KLHL6: variants seen among roughly 807,000 people sequenced by gnomAD.
KLHL6 encodes kelch like family member 6, also known as kelch-like protein 6.
In KLHL6, 41 loss-of-function variants were observed where a neutral mutation model predicts 58.6. The observed-to-expected ratio is 0.70, with a 90% CI of 0.55 to 0.91. The LOEUF (loss-of-function observed/expected upper bound fraction) is 0.91, where lower values mean the gene tolerates loss of function less well. KLHL6 is among the 40% of genes least tolerant of loss of function. KLHL6 has a pLI of 0.00. For missense variants in KLHL6, 714 were observed against 805.6 expected (o/e 0.89, Z 1.38); for synonymous variants, 338 against 322.7 (o/e 1.05, Z -0.51).
chr3:183,499,689 C>T lies in KLHL6; in HGVS notation c.1048G>A (p.Val350Met). Reference protein sequence around the residue: ...LDPLRRSRLEVAKLPLTEHEL... With the variant: ...LDPLRRSRLEMAKLPLTEHEL... ...TGCTCTGTTAGCGGGAGCTTGGCCACCTCCAGGCGGCTGCGCCTCAGGGGG... is the reference window on the plus strand; with the variant it reads ...TGCTCTGTTAGCGGGAGCTTGGCCATCTCCAGGCGGCTGCGCCTCAGGGGG... The change falls in exon 4 of 7, where the codon GTG becomes ATG. Residue 350 changes from valine (V) to methionine (M), a missense_variant. Around this residue, in one of 2 missense-constraint regions of KLHL6, gnomAD observed 510 missense variants for 629.7 expected, o/e 0.81. Transcript: ENST00000341319. The surrounding 1 kb of genome is among the most constrained non-coding windows in gnomAD (Gnocchi z 4.6). 1 of 1,611,320 alleles carries T rather than the reference C, an allele frequency of 6.2e-7. No homozygotes were observed. The highest frequency in any genetic ancestry group is 8.5e-7 in the Non-Finnish European group (1 of 1,178,882).
intron 1 of KLHL6, among the ~76,000 whole-genome samples, chr3:183,537,048 C>T (rs1182171794): frequency 6.6e-6 from 1 of 152,138 alleles, no homozygotes; most frequent in Admixed American, 6.5e-5. Context: ...GAATTTTCTG[C>T]CACTTAAATA....
Position 183,499,058 on chromosome 3 carries a change from C to A in KLHL6, c.1147+532G>T, listed in dbSNP as rs142320283. On this transcript the variant is annotated intron_variant, in intron 4 of 6. Transcript: ENST00000341319. The surrounding 1 kb of genome is among the most constrained non-coding windows in gnomAD (Gnocchi z 4.6). ...CAGGTTTTCTATTAATAGTACAACG[C>A]TGGCCGGACGAGGTGGCTCACGCCT... Among the ~76,000 whole-genome samples, 31 of 152,298 alleles carry A rather than the reference C, an allele frequency of 2.0e-4. 2 individuals carry two copies. In the East Asian group the frequency reaches 6.0e-3, roughly 29 times the overall value.
intron 2 of KLHL6, among the ~76,000 whole-genome samples, chr3:183,509,095 G>A (rs1243887080): frequency 6.6e-6 from 1 of 152,116 alleles, no homozygotes; most frequent in East Asian, 1.9e-4. Context: ...TACATTACAA[G>A]GGGATAAAAG....
At position 183,531,573 on chromosome 3, in the gene KLHL6, A is replaced by G. The variant is rs944506593; in HGVS notation, c.294-3563T>C. Among the ~76,000 whole-genome samples the G allele has an allele frequency of 1.1e-4, 16 of 150,742 alleles. No homozygotes were observed. In the East Asian group the frequency reaches 3.1e-3, roughly 29 times the overall value. The stretch of plus-strand genomic sequence containing the variant: ...CACGCCATTCTCCTCCAGCCTCCCA[A>G]GTAGCTGGAACTACAGGCTCCTGCC... On this transcript the variant is annotated intron_variant, in intron 1 of 6. Transcript: ENST00000341319.
chr3:183,553,479 C>A (rs963544674), intron 1 of KLHL6, among the ~76,000 whole-genome samples: 48 of 152,314 alleles, frequency 3.2e-4, no homozygotes, highest in African/African-American at 1.1e-3. Context: ...GCAAGGGATA[C>A]AAAAGGATCA....
chr3:183,547,518 T>C (rs1362673905), intron 1 of KLHL6, among the ~76,000 whole-genome samples: 1 of 152,212 alleles, frequency 6.6e-6, no homozygotes, highest in Non-Finnish European at 1.5e-5. Context: ...TTATAATATT[T>C]TTCCTACGGT....
chr3:183,552,910 T>C (rs1012456913), intron 1 of KLHL6, among the ~76,000 whole-genome samples: 1 of 152,084 alleles, frequency 6.6e-6, no homozygotes, highest in Non-Finnish European at 1.5e-5. Flanking sequence ...CTCTGGACTT[T>C]GGCTCACCGT....
At chr3:183,535,259 C>T (rs1054767939) in intron 1 of KLHL6, among the ~76,000 whole-genome samples, 1 of 152,148 alleles carries the variant, frequency 6.6e-6, no homozygotes, top group Non-Finnish European at 1.5e-5. Flanking sequence ...GTATTTTATA[C>T]TTAAAGCATC....
At chr3:183,544,828 C>T (rs1360940999) in intron 1 of KLHL6, 1 of 153,024 alleles carries the variant, frequency 6.5e-6, no homozygotes, top group Non-Finnish European at 1.4e-5. Context: ...GGGTGGACTC[C>T]TAACCTAGGC....
chr3:183,504,109 G>A (rs1717940819), intron 3 of KLHL6, among the ~76,000 whole-genome samples: 1 of 152,172 alleles, frequency 6.6e-6, no homozygotes, highest in Non-Finnish European at 1.5e-5. Flanking sequence ...TGAAAAGACT[G>A]GTTTTAACCC....
At chr3:183,497,000 C>T (rs551267031) in intron 4 of KLHL6, among the ~76,000 whole-genome samples, 3 of 151,474 alleles carry the variant, frequency 2.0e-5, no homozygotes, top group Admixed American at 6.6e-5. Context: ...AAAATTGGGC[C>T]GGGCGTGGTG....
chr3:183,491,823 G>T lies in KLHL6; in HGVS notation c.*104C>A. On this transcript the variant is annotated 3_prime_UTR_variant, in exon 7 of 7. Coordinates refer to ENST00000341319, the MANE Select transcript of KLHL6 (RefSeq NM_130446.4). ...GAGTCAAGGGGATCCCCTGATGTAT[G>T]GCCTCAAACTCGAGCCTGCTGCCTG... is the stretch of plus-strand genomic sequence containing the variant. 9.7e-7 allele frequency: 1 copy of T among 1,028,318 alleles called. No homozygotes were observed. The highest frequency in any genetic ancestry group is 1.3e-6 in the Non-Finnish European group (1 of 743,934). 63.7% of individuals were successfully genotyped at this position (1,028,318 alleles called of 1,614,324 possible).
chr3:183,520,362 C>A (rs192596822), intron 2 of KLHL6: 1 of 151,768 alleles, frequency 6.6e-6, no homozygotes, highest in East Asian at 1.9e-4. Context: ...GTGAAGGAGG[C>A]CAGCTCCTCC....
At chr3:183,497,386 T>C (rs920352572) in intron 4 of KLHL6, among the ~76,000 whole-genome samples, 1 of 152,152 alleles carries the variant, frequency 6.6e-6, no homozygotes, top group Non-Finnish European at 1.5e-5. Context: ...TACTCCAGCC[T>C]GGACAACAGA....
intron 1 of KLHL6, among the ~76,000 whole-genome samples, chr3:183,548,041 T>A (rs574903072): frequency 8.5e-5 from 13 of 152,318 alleles, no homozygotes; most frequent in African/African-American, 2.9e-4. Context: ...CCAGTTTATG[T>A]CTGGGGGCTG....
In KLHL6 at chr3:183,492,415, G is replaced by A. The variant is rs952647858; in HGVS notation, c.1564+79C>T. The A allele has an allele frequency of 8.6e-6, 13 of 1,505,354 alleles. No homozygotes were observed. In the African/African-American group the frequency reaches 1.2e-4, roughly 14 times the overall value. The allele number at this position is 1,505,354 out of a possible 1,614,324, so 93.2% of individuals were successfully genotyped here. On this transcript the variant is annotated intron_variant, in intron 6 of 6. Transcript: ENST00000341319. The surrounding 1 kb of genome is among the most constrained non-coding windows in gnomAD (Gnocchi z 5.9). ...GTGAGTTGCCAGCGCTGGAGACACC[G>A]CGACACACCGTTTACGTGCTGCAGC...
intron 3 of KLHL6, among the ~76,000 whole-genome samples, chr3:183,506,970 A>T (rs972069149): frequency 6.6e-6 from 1 of 152,238 alleles, no homozygotes; most frequent in African/African-American, 2.4e-5. Context: ...TTTGAACAAC[A>T]TTCAGATTGA....
At chr3:183,505,033 G>T (rs1717965334) in intron 3 of KLHL6, among the ~76,000 whole-genome samples, 1 of 152,194 alleles carries the variant, frequency 6.6e-6, no homozygotes, top group Admixed American at 6.5e-5. Context: ...CAAAAAACAT[G>T]ATTGCATTCT....
chr3:183,494,325 G>A (rs1371062791), intron 4 of KLHL6, 44 bp from the exon 5 acceptor site: 2 of 1,492,776 alleles, frequency 1.3e-6, no homozygotes, highest in South Asian at 1.1e-5. Flanking sequence ...AGATGTGTCA[G>A]AAATACAGCT....
Sources: gnomAD v4.1 joint callset for allele counts (sites outside exome capture counted in the v4.1 genomes callset) on GRCh38, gnomAD v4.1.1 for gene constraint, gnomAD v4.1.1 regional missense constraint, Gnocchi (gnomAD v3.1) non-coding constraint, MANE v1.5 for transcripts, NCBI Gene and HGNC (gene_info 2026-07-23, HGNC 2026-07-21) for gene names.